Variants in CLIP1 observed in about 807,000 individuals in gnomAD.
CLIP1 encodes the protein CAP-Gly domain containing linker protein 1, also known as CAP-Gly domain-containing linker protein 1.
Under a neutral mutation model 161.6 loss-of-function variants are expected in CLIP1, and 66 were observed. That is an observed-to-expected ratio of 0.41 (90% confidence interval 0.33 to 0.50). The LOEUF (loss-of-function observed/expected upper bound fraction) is 0.50, where lower values mean the gene tolerates loss of function less well. CLIP1 is among the 20% of genes least tolerant of loss of function. The pLI, the probability that CLIP1 is intolerant of heterozygous loss-of-function variation, is 0.27. For missense variants in CLIP1, 1,376 were observed against 1,702.0 expected (o/e 0.81, Z 3.37); for synonymous variants, 598 against 626.2 (o/e 0.96, Z 0.67).
chr12:122,393,794 C>A (rs1360853188), intron 1 of CLIP1, among the ~76,000 whole-genome samples: 3 of 150,796 alleles, frequency 2.0e-5, no homozygotes, highest in African/African-American at 7.3e-5. Context: ...CACCAGTAGT[C>A]CCAGCTATTC....
In CLIP1 at chr12:122,321,088, G is replaced by C. The variant is rs928302351; in HGVS notation, c.3250-1740C>G. ...TTTAGGCACTTGTTTATAATTTATT[G>C]GTCTAATAAAGTTTATGAAAATTCT... On this transcript the variant is annotated intron_variant, in intron 17 of 25. Coordinates refer to ENST00000620786, the MANE Select transcript of CLIP1 (RefSeq NM_001247997.2). Among the ~76,000 whole-genome samples, 5 of 151,440 alleles carry C rather than the reference G, an allele frequency of 3.3e-5. 1 individual carries two copies. The highest frequency in any genetic ancestry group is 6.6e-5 in the Admixed American group (1 of 15,212).
intron 10 of CLIP1, among the ~76,000 whole-genome samples, chr12:122,344,768 G>A (rs1235838212): frequency 6.6e-6 from 1 of 152,080 alleles, no homozygotes; most frequent in Non-Finnish European, 1.5e-5. Context: ...ACAGCACCAA[G>A]CACACTGTTT....
At chr12:122,420,081 C>T (rs1032606051) in intron 1 of CLIP1, among the ~76,000 whole-genome samples, 1 of 151,828 alleles carries the variant, frequency 6.6e-6, no homozygotes, top group Non-Finnish European at 1.5e-5. Flanking sequence ...GTGGCTCACA[C>T]CTATAATCCC....
At chr12:122,275,825 C>T (rs1955403442) in intron 24 of CLIP1, 1 of 152,072 alleles carries the variant, frequency 6.6e-6, no homozygotes, top group Non-Finnish European at 1.5e-5. Context: ...TAAACATGTC[C>T]TCAGGGAAAA....
intron 1 of CLIP1, among the ~76,000 whole-genome samples, chr12:122,390,831 T>G (rs760279942): frequency 2.4e-4 from 37 of 152,008 alleles, no homozygotes; most frequent in South Asian, 1.0e-3. Context: ...CTCTAGAACT[T>G]AAGTCACTTC....
At chr12:122,336,488 T>C in intron 12 of CLIP1, 144 bp downstream of exon 12, 1 of 585,946 alleles carries the variant, frequency 1.7e-6, no homozygotes, top group Admixed American at 2.8e-5. Context: ...AAGGACAATA[T>C]TTATCAGCCA....
chr12:122,318,575 C>T lies in CLIP1; in HGVS notation c.3366+657G>A, dbSNP rs182915562. Reference sequence around the variant, plus strand: ...AACAAAACAAAAAAAGCAACAACAACAAAAAAGCATCTGAAGTTCCACAGG... The same window carrying T: ...AACAAAACAAAAAAAGCAACAACAATAAAAAAGCATCTGAAGTTCCACAGG... On this transcript the variant is annotated intron_variant, in intron 18 of 25. Coordinates refer to ENST00000620786, the MANE Select transcript of CLIP1 (RefSeq NM_001247997.2). 1.5e-3 allele frequency among the ~76,000 whole-genome samples: 221 copies of T among 152,184 alleles called. 2 individuals are homozygous for T. The highest frequency in any genetic ancestry group is 2.4e-3 in the Admixed American group (36 of 15,276).
intron 5 of CLIP1, among the ~76,000 whole-genome samples, chr12:122,356,755 AGCCTGCCGAGT>A (rs1953395479): frequency 6.7e-6 from 1 of 149,080 alleles, no homozygotes; most frequent in Admixed American, 6.7e-5. Flanking sequence ...CTCCTGCCTC[AGCCTGCCGAGT>A]GCCTGCGATT....
intron 20 of CLIP1, among the ~76,000 whole-genome samples, chr12:122,293,813 G>GT (rs111421007): frequency 0.41 from 53,887 of 130,608 alleles, 11,462 homozygotes; most frequent in East Asian, 0.68. Flanking sequence ...TTTGTTTTTT[G>GT]TTTTTTTTTG....
chr12:122,282,498 A>G (rs1325315559), intron 21 of CLIP1, among the ~76,000 whole-genome samples: 6 of 152,242 alleles, frequency 3.9e-5, no homozygotes, highest in African/African-American at 1.4e-4. Flanking sequence ...AATTCCAGTA[A>G]TGAAGCAAAT....
chr12:122,314,923 A>G (rs1040859890), intron 19 of CLIP1, among the ~76,000 whole-genome samples: 4 of 152,230 alleles, frequency 2.6e-5, no homozygotes, highest in East Asian at 1.9e-4. Context: ...CCTGATGACC[A>G]TAATCACAAT....
intron 1 of CLIP1, among the ~76,000 whole-genome samples, chr12:122,382,029 A>T (rs1244233262): frequency 6.6e-6 from 1 of 152,194 alleles, no homozygotes; most frequent in Non-Finnish European, 1.5e-5. Context: ...GTCCAAGGCC[A>T]GCCTGGTGAA....
At chr12:122,309,235 A>G (rs1489611328) in intron 20 of CLIP1, among the ~76,000 whole-genome samples, 1 of 152,222 alleles carries the variant, frequency 6.6e-6, no homozygotes, top group Admixed American at 6.5e-5. Context: ...CATATATTCT[A>G]TATTTACCAA....
chr12:122,352,161 G>T (rs188323057), intron 8 of CLIP1, among the ~76,000 whole-genome samples: 1 of 150,978 alleles, frequency 6.6e-6, no homozygotes, highest in Non-Finnish European at 1.5e-5. Context: ...GGGTTCAAGC[G>T]ATTCTCCTGC....
rs1434765846 is a variant in CLIP1 at position 122,272,593 on chromosome 12, C to T, written c.*282G>A. On this transcript the variant is annotated 3_prime_UTR_variant, in exon 26 of 26. Transcript: ENST00000620786. ...GAGGGTAGGGGTTTTTCTACAAGGT[C>T]GGGGGGCCAATAAATGTAATGGCAT... The T allele has an allele frequency of 1.1e-5, 4 of 371,962 alleles. No individual in the cohort carries two copies. The highest frequency in any genetic ancestry group is 1.0e-4 in the East Asian group (2 of 19,466). The allele number at this position is 371,962 out of a possible 1,614,324, so 23.0% of individuals were successfully genotyped here.
At chr12:122,295,043 G>A (rs1250502362) in intron 20 of CLIP1, among the ~76,000 whole-genome samples, 3 of 149,576 alleles carry the variant, frequency 2.0e-5, no homozygotes, top group East Asian at 1.9e-4. Flanking sequence ...GAGACAGAGC[G>A]AGACTCCATC....
intron 3 of CLIP1, among the ~76,000 whole-genome samples, chr12:122,372,380 A>G (rs908629238): frequency 2.6e-5 from 4 of 151,116 alleles, no homozygotes; most frequent in African/African-American, 7.3e-5. Context: ...GCGCCATTGC[A>G]CTCCAGCCTG....
chr12:122,372,694 C>G (rs188246090), intron 3 of CLIP1, among the ~76,000 whole-genome samples: 5 of 152,058 alleles, frequency 3.3e-5, no homozygotes, highest in African/African-American at 1.2e-4. Flanking sequence ...GTGTTAGAAA[C>G]GATCTCAAGA....
Position 122,328,159 on chromosome 12 carries a change from T to C in CLIP1, c.3037A>G (p.Lys1013Glu). ...TGGTTGTGGCTTGTTTCCATTTTCTTTTCCTGCAGAGACCCCGAATGAGGG... is the reference window on the plus strand; with the variant it reads ...TGGTTGTGGCTTGTTTCCATTTTCTCTTCCTGCAGAGACCCCGAATGAGGG... ...ELERKLSDLEKKMETSHNQCQ... is the reference protein window; with the variant it reads ...ELERKLSDLEEKMETSHNQCQ... Residue 1013 changes from lysine (K) to glutamate (E), a missense_variant, in exon 17 of 26, where the codon AAG becomes GAG. This residue lies in a region of CLIP1 where 948 missense variants were observed against 1,134.8 expected (regional missense o/e 0.84). Coordinates refer to ENST00000620786, the MANE Select transcript of CLIP1 (RefSeq NM_001247997.2). The C allele has an allele frequency of 6.2e-7, 1 of 1,614,148 alleles. No homozygotes were observed. The highest frequency in any genetic ancestry group is 2.2e-5 in the East Asian group (1 of 44,888).
Sources: gnomAD v4.1 joint callset for allele counts (sites outside exome capture counted in the v4.1 genomes callset) on GRCh38, gnomAD v4.1.1 for gene constraint, gnomAD v4.1.1 regional missense constraint, MANE v1.5 for transcripts, NCBI Gene and HGNC (gene_info 2026-07-23, HGNC 2026-07-21) for gene names.